The following MPDZ variants were observed in gnomAD, a reference collection of about 807,000 sequenced individuals.
MPDZ encodes the protein multiple PDZ domain protein.
A neutral mutation model predicts 239.1 loss-of-function variants in MPDZ; 234 were observed. The observed-to-expected ratio is 0.98, with a 90% CI of 0.88 to 1.09. The LOEUF (loss-of-function observed/expected upper bound fraction) is 1.09. MPDZ is among the 50% of genes least tolerant of loss of function. MPDZ has a pLI of 0.00. For missense variants in MPDZ, 3,175 were observed against 2,510.0 expected, an observed-to-expected ratio of 1.26 and a Z score of -5.66; for synonymous variants, 1,048 against 881.3, an observed-to-expected ratio of 1.19 and a Z score of -3.35.
chr9:13,263,909 T>C (rs1401868620), intron 1 of MPDZ, among the ~76,000 whole-genome samples: 2 of 152,186 alleles, frequency 1.3e-5, no homozygotes, highest in African/African-American at 4.8e-5. Context: ...ACAATATATA[T>C]AAGCTAATAC....
At chr9:13,123,125 T>C in intron 36 of MPDZ, 28 bp downstream of exon 36, 1 of 1,598,992 alleles carries the variant, frequency 6.3e-7, no homozygotes, top group Non-Finnish European at 8.5e-7. Flanking sequence ...GGACGGCCTG[T>C]ACAGAAGCAC....
intron 8 of MPDZ, 82 bp downstream of exon 8, chr9:13,219,477 G>A (rs1231285881): frequency 3.2e-6 from 4 of 1,233,184 alleles, no homozygotes; most frequent in Non-Finnish European, 2.3e-6. Context: ...ACATTAGTAA[G>A]TCTAGTTTCT....
chr9:13,234,253 C>T (rs1197688579), intron 3 of MPDZ, among the ~76,000 whole-genome samples: 1 of 151,750 alleles, frequency 6.6e-6, no homozygotes, highest in African/African-American at 2.4e-5. Context: ...CAATTTTAAC[C>T]CAATAGAATA....
At chr9:13,260,129 C>T (rs1970338401) in intron 1 of MPDZ, among the ~76,000 whole-genome samples, 1 of 151,964 alleles carries the variant, frequency 6.6e-6, no homozygotes. Context: ...GGTGTGGCCA[C>T]TGCACCCAGC....
At chr9:13,233,504 G>A (rs1035439376) in intron 3 of MPDZ, among the ~76,000 whole-genome samples, 7 of 152,100 alleles carry the variant, frequency 4.6e-5, no homozygotes, top group Middle Eastern at 3.4e-3. Flanking sequence ...TAAAGGGGAG[G>A]ATTAGGACTG....
intron 26 of MPDZ, among the ~76,000 whole-genome samples, chr9:13,144,523 A>C (rs549970670): frequency 6.6e-6 from 1 of 152,208 alleles, no homozygotes; most frequent in South Asian, 2.1e-4. Context: ...CAGACATTTA[A>C]AATTCATTTT....
In MPDZ at chr9:13,143,711, A is replaced by T. The variant is rs1948060417; in HGVS notation, c.3742-147T>A. On this transcript the variant is annotated intron_variant, in intron 26 of 46. Coordinates refer to ENST00000319217, the MANE Select transcript of MPDZ (RefSeq NM_001378778.1). The stretch of plus-strand genomic sequence containing the variant: ...CAGTCATTAATAGCAACATCTTAAA[A>T]CAGTCTGGAACTAAAGATTTGTCTC... 6.1e-6 allele frequency: 4 copies of T among 653,130 alleles called. No homozygotes were observed. In the South Asian group the frequency reaches 7.4e-5, roughly 12 times the overall value. The allele number at this position is 653,130 out of a possible 1,614,324, so 40.5% of individuals were successfully genotyped here.
intron 32 of MPDZ, among the ~76,000 whole-genome samples, chr9:13,127,945 G>A (rs1945361079): frequency 6.6e-6 from 1 of 152,114 alleles, no homozygotes; most frequent in African/African-American, 2.4e-5. Flanking sequence ...AATAATACTT[G>A]TCACATAACA....
Position 13,107,124 on chromosome 9 carries a change from A to G in MPDZ, c.6067-13T>C. ...CAGAGGCTGCTCCCTGCAAATTATA[A>G]AGTAGACTTGTTTATTTCTCAAAAA... On this transcript the variant is annotated splice_polypyrimidine_tract_variant and intron_variant, in intron 46 of 46. Coordinates refer to ENST00000319217, the MANE Select transcript of MPDZ (RefSeq NM_001378778.1). The G allele has an allele frequency of 6.5e-7, 1 of 1,550,070 alleles. No individual in the cohort carries two copies. The highest frequency in any genetic ancestry group is 8.8e-7 in the Non-Finnish European group (1 of 1,137,076).
At chr9:13,247,260 T>G (rs1003325508) in intron 3 of MPDZ, among the ~76,000 whole-genome samples, 3 of 152,210 alleles carry the variant, frequency 2.0e-5, no homozygotes, top group African/African-American at 7.2e-5. Context: ...TGAAATCTTG[T>G]AAGTATACTG....
chr9:13,267,710 G>C (rs1037200399), intron 1 of MPDZ, among the ~76,000 whole-genome samples: 24 of 152,178 alleles, frequency 1.6e-4, no homozygotes, highest in Non-Finnish European at 3.5e-4. Context: ...AACAGGGGAG[G>C]AAAGGAAGAA....
In MPDZ at chr9:13,107,094, G is replaced by A. The variant is rs375673261; in HGVS notation, c.6084C>T (p.Asp2028=). ...TVFAKGAASE[D]GRLKRGDQII... ...TCTGATCGCCCCTTTTCAGACGTCC[G>A]TCTTCAGAGGCTGCTCCCTGCAAAT... The change falls in exon 47 of 47, where the codon GAC becomes GAT. Residue 2028 remains aspartate, a synonymous_variant. Coordinates refer to ENST00000319217, the MANE Select transcript of MPDZ (RefSeq NM_001378778.1). 6.3e-6 allele frequency: 10 copies of A among 1,575,198 alleles called. No individual in the cohort carries two copies. The East Asian group carries it at 6.8e-5, about 11-fold the overall frequency.
chr9:13,165,400 G>A (rs777369055), intron 22 of MPDZ: 2 of 1,549,244 alleles, frequency 1.3e-6, no homozygotes, highest in South Asian at 1.2e-5. Flanking sequence ...AGCAGGTGCT[G>A]CAGAAAATCT....
Position 13,251,033 on chromosome 9 carries a change from G to A in MPDZ, c.-57-661C>T, listed in dbSNP as rs1346084765. Among the ~76,000 whole-genome samples, 3 of 150,968 alleles carry A rather than the reference G, an allele frequency of 2.0e-5. No individual in the cohort carries two copies. In the East Asian group the frequency reaches 5.9e-4, roughly 30 times the overall value. ...AATCCCAGCTACTCAGGATGCGGAG[G>A]GAGGGGAATCACTTGAACCCAGGAA... On this transcript the variant is annotated intron_variant, in intron 1 of 46. Coordinates refer to ENST00000319217, the MANE Select transcript of MPDZ (RefSeq NM_001378778.1).
At chr9:13,215,699 C>A (rs1477341967) in intron 10 of MPDZ, among the ~76,000 whole-genome samples, 4 of 143,394 alleles carry the variant, frequency 2.8e-5, no homozygotes, top group African/African-American at 1.0e-4. Context: ...CTCACAATTA[C>A]AAAAGTTTAG....
chr9:13,183,323 A>T, intron 19 of MPDZ, 95 bp downstream of exon 19: 1 of 959,514 alleles, frequency 1.0e-6, no homozygotes, highest in Non-Finnish European at 1.5e-6. Flanking sequence ...TAATGTCTCC[A>T]ATATGTTATT....
chr9:13,150,009 G>T (rs1305849090), intron 25 of MPDZ, among the ~76,000 whole-genome samples: 2 of 151,728 alleles, frequency 1.3e-5, no homozygotes, highest in East Asian at 1.9e-4. Context: ...AAGTTTATCT[G>T]CAATGAAATG....
rs1219222459 is a variant in MPDZ, at chr9:13,192,241, T to C, written c.1858A>G (p.Lys620Glu). The change falls in exon 15 of 47, where the codon AAA becomes GAA. Residue 620 changes from lysine (K) to glutamate (E), a missense_variant. By Grantham distance (56) the Lys-to-Glu change is moderately conservative. Transcript: ENST00000319217. The stretch of plus-strand genomic sequence containing the variant: ...ATTGTCACTTCTATAGGCAGTTCTT[T>C]TAAGATATTCACCACATCTTGGTGA... ...ENHQDVVNILKELPIEVTMVC... is the reference protein window; with the variant it reads ...ENHQDVVNILEELPIEVTMVC... 1 of 1,606,576 alleles carries C rather than the reference T, an allele frequency of 6.2e-7. No homozygotes were observed. Among genetic ancestry groups the C allele is most frequent in the Non-Finnish European group, 8.5e-7 (1 of 1,175,962 alleles).
chr9:13,216,499 T>A (rs1359775657), intron 10 of MPDZ, among the ~76,000 whole-genome samples: 1 of 151,798 alleles, frequency 6.6e-6, no homozygotes, highest in African/African-American at 2.4e-5. Context: ...GTAATATTAA[T>A]GTAATAAATT....
Sources: gnomAD v4.1 joint callset for allele counts (sites outside exome capture counted in the v4.1 genomes callset) on GRCh38, gnomAD v4.1.1 for gene constraint, MANE v1.5 for transcripts, NCBI Gene and HGNC (gene_info 2026-07-23, HGNC 2026-07-21) for gene names.